RGL1: variants seen among roughly 807,000 people sequenced by gnomAD.
The protein encoded by RGL1 is ral guanine nucleotide dissociation stimulator like 1.
RGL1 carries 24 observed loss-of-function variants against 95.2 expected under a neutral mutation model. That is an observed-to-expected ratio of 0.25 (90% CI 0.18 to 0.35). The LOEUF (loss-of-function observed/expected upper bound fraction) is 0.35, where lower values mean the gene tolerates loss of function less well. Ranked by LOEUF, RGL1 falls within the 10% of genes least tolerant of loss-of-function variation. The probability of loss-of-function intolerance (pLI) is 1.00; values close to 1 mark genes in which losing one functional copy is unlikely to be tolerated. For missense variants in RGL1, 715 were observed against 936.3 expected (o/e 0.76, Z 3.08); for synonymous variants, 329 against 344.9 (o/e 0.95, Z 0.51).
chr1:183,670,863 T>C (rs929065687), intron 1 of RGL1, among the ~76,000 whole-genome samples: 14 of 152,272 alleles, frequency 9.2e-5, no homozygotes, highest in Admixed American at 4.6e-4. Flanking sequence ...ATTCATCTGT[T>C]GGTGGACATT....
intron 3 of RGL1, among the ~76,000 whole-genome samples, chr1:183,864,214 T>A (rs1665690092): frequency 6.6e-6 from 1 of 152,232 alleles, no homozygotes; most frequent in Admixed American, 6.5e-5. Context: ...CCTGGTGTTT[T>A]CCCTTTTTAT....
In RGL1 at chr1:183,847,598, A is replaced by T; in HGVS notation, c.171A>T (p.Thr57=). 4 of 1,614,132 alleles carry T rather than the reference A, an allele frequency of 2.5e-6. No homozygotes were observed. The highest frequency in any genetic ancestry group is 3.3e-4 in the Middle Eastern group (2 of 6,062). ...VEGDQLPPGH[T]VSQYETCKIR... is the part of the protein sequence containing the mutation. ...GGGACCAGCTGCCTCCAGGACACAC[A>T]GTCAGTCAATATGAAACCTGTAAGA... Residue 57 remains threonine (T), a synonymous_variant, in exon 3 of 18, where the codon ACA becomes ACT. Coordinates refer to ENST00000360851, the MANE Select transcript of RGL1 (RefSeq NM_001297671.3).
intron 1 of RGL1, chr1:183,648,918 A>T: frequency 1.5e-6 from 1 of 670,324 alleles, no homozygotes; most frequent in Non-Finnish European, 2.5e-6. Flanking sequence ...CACAATAAAG[A>T]TAGTGATATA....
At chr1:183,691,154 A>G (rs1212768810) in intron 1 of RGL1, among the ~76,000 whole-genome samples, 3 of 152,252 alleles carry the variant, frequency 2.0e-5, no homozygotes, top group Non-Finnish European at 2.9e-5. Flanking sequence ...GATTTGCCTC[A>G]TAATGAAAAA....
At chr1:183,875,099 T>C (rs1383632507) in intron 4 of RGL1, among the ~76,000 whole-genome samples, 2 of 152,238 alleles carry the variant, frequency 1.3e-5, no homozygotes, top group African/African-American at 2.4e-5. Context: ...TGTATTAAAA[T>C]AGAAAAACAT....
At chr1:183,745,131 G>C (rs530517235) in intron 2 of RGL1, among the ~76,000 whole-genome samples, 60 of 152,238 alleles carry the variant, frequency 3.9e-4, no homozygotes, top group Non-Finnish European at 6.9e-4. Context: ...TTGTGGCATT[G>C]AGCATCTGTT....
intron 1 of RGL1, among the ~76,000 whole-genome samples, chr1:183,644,919 C>T (rs1013354643): frequency 2.6e-5 from 4 of 152,046 alleles, no homozygotes; most frequent in South Asian, 2.1e-4. Context: ...CATAGAAAAT[C>T]GATGCTATGA....
intron 2 of RGL1, among the ~76,000 whole-genome samples, chr1:183,814,772 C>T (rs1193324839): frequency 6.6e-6 from 1 of 152,184 alleles, no homozygotes; most frequent in African/African-American, 2.4e-5. Context: ...AATCTCTCCG[C>T]AACCCTCTTG....
intron 1 of RGL1, chr1:183,648,337 T>G: frequency 6.2e-7 from 1 of 1,614,044 alleles, no homozygotes; most frequent in Non-Finnish European, 8.5e-7. Flanking sequence ...ATACTAAGAG[T>G]GATGCCTGGA....
At chr1:183,863,619 G>C (rs544008320) in intron 3 of RGL1, among the ~76,000 whole-genome samples, 1 of 152,312 alleles carries the variant, frequency 6.6e-6, no homozygotes, top group South Asian at 2.1e-4. Context: ...AGATAGTGTA[G>C]TTGGAGCCAG....
intron 8 of RGL1, among the ~76,000 whole-genome samples, chr1:183,890,296 T>C (rs1432309686): frequency 1.3e-5 from 2 of 152,168 alleles, no homozygotes; most frequent in Admixed American, 1.3e-4. Flanking sequence ...CACAGCAAGT[T>C]TGAGACTAAA....
intron 1 of RGL1, among the ~76,000 whole-genome samples, chr1:183,657,265 T>C (rs561208402): frequency 1.3e-5 from 2 of 152,310 alleles, no homozygotes; most frequent in Admixed American, 1.3e-4. Flanking sequence ...TTTTACAGTT[T>C]TCAGTGTATA....
intron 5 of RGL1, among the ~76,000 whole-genome samples, chr1:183,881,152 C>T (rs1421719676): frequency 6.6e-6 from 1 of 152,210 alleles, no homozygotes; most frequent in African/African-American, 2.4e-5. Context: ...CCCTTATCAA[C>T]ATGTACCATG....
chr1:183,703,727 G>T (rs1157005712), intron 1 of RGL1, among the ~76,000 whole-genome samples: 1 of 152,188 alleles, frequency 6.6e-6, no homozygotes, highest in Non-Finnish European at 1.5e-5. Flanking sequence ...TTATCGGGTG[G>T]GATGTGAGTG....
chr1:183,657,799 T>C (rs944596544), intron 1 of RGL1, among the ~76,000 whole-genome samples: 4 of 151,806 alleles, frequency 2.6e-5, no homozygotes, highest in African/African-American at 7.3e-5. Context: ...CCTTTGGGTA[T>C]ATACCCAGTA....
Position 183,759,660 on chromosome 1 carries a change from A to G in RGL1, c.132+17371A>G, listed in dbSNP as rs548907751. Among the ~76,000 whole-genome samples, 3 of 152,332 alleles carry G rather than the reference A, an allele frequency of 2.0e-5. No individual in the cohort carries two copies. In the East Asian group the frequency reaches 5.8e-4, roughly 29 times the overall value. On this transcript the variant is annotated intron_variant, in intron 2 of 18. Transcript: ENST00000304685. ...CTACTACCATGGGACACATACCTCT[A>G]GTCAGGGAAGTCTCTCCAGCTCCAG...
chr1:183,882,078 A>G (rs527458326), intron 5 of RGL1, among the ~76,000 whole-genome samples: 8 of 152,338 alleles, frequency 5.3e-5, no homozygotes, highest in Non-Finnish European at 1.2e-4. Flanking sequence ...CTCAGTTCCC[A>G]TGTGCTTGTT....
intron 7 of RGL1, among the ~76,000 whole-genome samples, chr1:183,887,890 T>C (rs1232924783): frequency 6.6e-6 from 1 of 152,232 alleles, no homozygotes; most frequent in Non-Finnish European, 1.5e-5. Flanking sequence ...TGTTTTTGAA[T>C]GTTTATGGTT....
chr1:183,645,517 T>A (rs1650225218), intron 1 of RGL1, among the ~76,000 whole-genome samples: 1 of 152,226 alleles, frequency 6.6e-6, no homozygotes, highest in Non-Finnish European at 1.5e-5. Context: ...TAGTTCTATA[T>A]GTGTGGTGGC....
Sources: allele counts gnomAD v4.1 joint callset (sites outside exome capture counted in the v4.1 genomes callset), GRCh38; gene constraint gnomAD v4.1.1; transcripts MANE v1.5; gene names NCBI Gene and HGNC (gene_info 2026-07-23, HGNC 2026-07-21).